Variants in TDRD3 observed in about 807,000 individuals in gnomAD.
TDRD3 encodes tudor domain-containing protein 3.
A neutral mutation model predicts 86.7 loss-of-function variants in TDRD3; 45 were observed. The observed-to-expected ratio is 0.52, with a 90% CI of 0.41 to 0.67. TDRD3 has a LOEUF of 0.67. TDRD3 is among the 30% of genes least tolerant of loss of function. TDRD3 has a pLI of 0.00. For synonymous variants in TDRD3, 298 were observed against 301.7 expected (o/e 0.99, Z 0.13); for missense variants, 814 against 889.0 (o/e 0.92, Z 1.07).
At chr13:60,460,894 T>C (rs1187940283) in intron 4 of TDRD3, 2 of 156,230 alleles carry the variant, frequency 1.3e-5, no homozygotes, top group East Asian at 3.8e-4. Flanking sequence ...TCCCAGCTAC[T>C]TGGGAGGCTG....
At chr13:60,552,550 T>A (rs1280902233) in intron 12 of TDRD3, among the ~76,000 whole-genome samples, 2 of 152,132 alleles carry the variant, frequency 1.3e-5, no homozygotes, top group East Asian at 3.9e-4. Context: ...CATTCTGGGG[T>A]CCAGAGGATG....
chr13:60,509,332 G>T (rs529332407), intron 8 of TDRD3, among the ~76,000 whole-genome samples: 1 of 152,068 alleles, frequency 6.6e-6, no homozygotes, highest in African/African-American at 2.4e-5. Context: ...CTCCTGGGGG[G>T]TATCATTTTG....
At chr13:60,513,283 G>A (rs1810708261) in intron 10 of TDRD3, among the ~76,000 whole-genome samples, 1 of 152,174 alleles carries the variant, frequency 6.6e-6, no homozygotes, top group Admixed American at 6.5e-5. Flanking sequence ...CCTGGGCCCA[G>A]CCCATGAAAC....
intron 12 of TDRD3, among the ~76,000 whole-genome samples, chr13:60,549,128 T>C (rs1352469999): frequency 6.6e-6 from 1 of 152,086 alleles, no homozygotes; most frequent in Non-Finnish European, 1.5e-5. Context: ...ACACTCAAGG[T>C]AGTGGTGGTT....
intron 7 of TDRD3, among the ~76,000 whole-genome samples, chr13:60,492,544 G>C (rs1219106411): frequency 1.3e-5 from 2 of 152,192 alleles, no homozygotes; most frequent in African/African-American, 4.8e-5. Flanking sequence ...GCCAAGATAA[G>C]TCCCAGCCTT....
rs1017562901 is a variant in TDRD3, at chr13:60,532,321, G to C, written c.1993-2787G>C. 7.2e-5 allele frequency among the ~76,000 whole-genome samples: 11 copies of C among 152,280 alleles called. No individual in the cohort carries two copies. In the South Asian group the frequency reaches 1.9e-3, roughly 26 times the overall value. On this transcript the variant is annotated intron_variant, in intron 11 of 13. Transcript: ENST00000377881. ...ATGGCTACTTTGATTCAGATTAGAT[G>C]TGTACTTTCAGTTGTAGTGAGGAAC...
In TDRD3 at chr13:60,506,926, C is replaced by T. The variant is rs1430317862; in HGVS notation, c.859-2837C>T. 3.3e-5 allele frequency among the ~76,000 whole-genome samples: 5 copies of T among 152,196 alleles called. No individual in the cohort carries two copies. In the East Asian group the frequency reaches 9.7e-4, roughly 29 times the overall value. On this transcript the variant is annotated intron_variant, in intron 8 of 13. Transcript: ENST00000377881. ...CAGACTGGCAAATTGGATAAAGAGT[C>T]AAGACCCATCAGTGTGCTGTATTCA...
At chr13:60,457,505 T>C (rs1026409763) in intron 3 of TDRD3, among the ~76,000 whole-genome samples, 1 of 152,164 alleles carries the variant, frequency 6.6e-6, no homozygotes, top group African/African-American at 2.4e-5. Context: ...TCCCTCATGT[T>C]CCCTAGCTAG....
chr13:60,446,027 CTT>C (rs2137987223), intron 3 of TDRD3, among the ~76,000 whole-genome samples: 1 of 152,198 alleles, frequency 6.6e-6, no homozygotes, highest in East Asian at 1.9e-4. Flanking sequence ...AGAAAAATAA[CTT>C]TAAAACTTTC....
At chr13:60,564,446 C>T (rs1183125357) in intron 12 of TDRD3, among the ~76,000 whole-genome samples, 1 of 152,178 alleles carries the variant, frequency 6.6e-6, no homozygotes, top group Non-Finnish European at 1.5e-5. Context: ...GGTTCTGAAT[C>T]TCAGAATCTT....
intron 12 of TDRD3, among the ~76,000 whole-genome samples, chr13:60,540,115 T>C (rs1957777449): frequency 2.0e-5 from 3 of 152,116 alleles, no homozygotes; most frequent in Admixed American, 6.5e-5. Flanking sequence ...TTTGCAGTTA[T>C]AATTTTTCAT....
At position 60,568,955 on chromosome 13, in the gene TDRD3, GT is replaced by G. The variant is rs199904389; in HGVS notation, c.*9+1313del. Reference sequence around the variant, plus strand: ...CTATTTCTATATGTCAACCGCAATTGTTTTTTTTCCCCCCTTTTCTTCTTCT... The same window carrying G: ...CTATTTCTATATGTCAACCGCAATTGTTTTTTTCCCCCCTTTTCTTCTTCT... On this transcript the variant is annotated intron_variant, in intron 13 of 13. Transcript: ENST00000377881. Among the ~76,000 whole-genome samples the G allele has an allele frequency of 3.1e-3, 473 of 151,468 alleles. 3 individuals carry two copies. Among genetic ancestry groups the G allele is most frequent in the African/African-American group, 0.01 (427 of 41,006 alleles).
Position 60,570,350 on chromosome 13 carries a change from A to G in TDRD3, c.*9+2700A>G, listed in dbSNP as rs117503994. ...ATCATCAGAGAAATGCAAATCAAAT[A>G]CAATGAGATATCACCTTACCTCAGT... On this transcript the variant is annotated intron_variant, in intron 13 of 13. Coordinates refer to ENST00000377881, the MANE Select transcript of TDRD3 (RefSeq NM_001146070.2). Among the ~76,000 whole-genome samples, 672 of 152,318 alleles carry G rather than the reference A, an allele frequency of 4.4e-3. 12 individuals are homozygous for G. In the East Asian group the frequency reaches 0.057, roughly 13 times the overall value.
intron 1 of TDRD3, among the ~76,000 whole-genome samples, chr13:60,436,600 G>A (rs1235719612): frequency 2.0e-5 from 3 of 151,994 alleles, no homozygotes; most frequent in African/African-American, 2.4e-5. Context: ...TTTATTTCGA[G>A]GTTCTCTATT....
chr13:60,418,777 G>A (rs1954585094), intron 1 of TDRD3, among the ~76,000 whole-genome samples: 1 of 152,058 alleles, frequency 6.6e-6, no homozygotes, highest in Non-Finnish European at 1.5e-5. Flanking sequence ...CTGACATCTG[G>A]CATCATGAAT....
At chr13:60,556,451 CTT>C (rs1958186172) in intron 12 of TDRD3, among the ~76,000 whole-genome samples, 1 of 152,134 alleles carries the variant, frequency 6.6e-6, no homozygotes, top group Admixed American at 6.5e-5. Context: ...AACACATGGA[CTT>C]TAACTATACT....
chr13:60,483,841 G>GGACAGGT lies in TDRD3; in HGVS notation c.563_567+2dup. On this transcript the variant is annotated frameshift_variant, in exon 6 of 14. Coordinates refer to ENST00000377881, the MANE Select transcript of TDRD3 (RefSeq NM_001146070.2). LOFTEE classifies it high-confidence loss of function. ...TGGACCACCGCCTTTTGTGCCTTTT[G>GGACAGGT]GACAGGTAATGACTTTTGTGTTGGC... 3.1e-6 allele frequency: 5 copies of GGACAGGT among 1,612,840 alleles called. No homozygotes were observed. Among genetic ancestry groups the GGACAGGT allele is most frequent in the Non-Finnish European group, 4.2e-6 (5 of 1,179,352 alleles).
chr13:60,397,429 G>T, intron 1 of TDRD3, 24 bp downstream of exon 1: 1 of 1,480,040 alleles, frequency 6.8e-7, no homozygotes. Context: ...CCCGCCGGCT[G>T]CCGGGCCGCG....
chr13:60,557,819 G>GCTTTTT (rs1491187240), intron 12 of TDRD3, among the ~76,000 whole-genome samples: 2 of 89,932 alleles, frequency 2.2e-5, no homozygotes, highest in Non-Finnish European at 5.1e-5. Context: ...TTTTTTTCCT[G>GCTTTTT]ATTTTTTTTT....
Sources: allele counts gnomAD v4.1 joint callset (sites outside exome capture counted in the v4.1 genomes callset), GRCh38; gene constraint gnomAD v4.1.1; transcripts MANE v1.5; gene names NCBI Gene and HGNC (gene_info 2026-07-23, HGNC 2026-07-21).